Variants in CCDC6 observed in about 807,000 individuals in gnomAD.
CCDC6 encodes coiled-coil domain containing 6.
CCDC6 carries 20 observed loss-of-function variants against 56.6 expected under a neutral mutation model. The ratio of observed to expected loss-of-function variants is 0.35; its 90% CI spans 0.25 to 0.51. CCDC6 has a LOEUF of 0.51. Among genes scored for constraint, CCDC6 ranks in the 20% least tolerant of loss-of-function variants. The probability of loss-of-function intolerance (pLI) is 0.95; values close to 1 mark genes in which losing one functional copy is unlikely to be tolerated. For missense variants in CCDC6, 367 were observed against 601.1 expected, an observed-to-expected ratio of 0.61 and a Z score of 4.07; for synonymous variants, 241 against 234.4, an observed-to-expected ratio of 1.03 and a Z score of -0.26.
At chr10:59,875,441 A>G (rs576104110) in intron 1 of CCDC6, among the ~76,000 whole-genome samples, 2 of 152,306 alleles carry the variant, frequency 1.3e-5, no homozygotes, top group South Asian at 2.1e-4. Context: ...AGAAGGTTTG[A>G]AGGACACAGA....
intron 5 of CCDC6, among the ~76,000 whole-genome samples, chr10:59,808,631 G>C (rs2070646742): frequency 1.3e-5 from 2 of 152,214 alleles, no homozygotes; most frequent in South Asian, 4.1e-4. Flanking sequence ...ACGTCTAAGA[G>C]AGTTTCCTGT....
intron 2 of CCDC6, among the ~76,000 whole-genome samples, chr10:59,851,132 A>G (rs10994054): frequency 4.0e-4 from 15 of 37,234 alleles, no homozygotes; most frequent in African/African-American, 2.2e-3. Context: ...ATGTAAATTG[A>G]AAAAAAAAAA....
At chr10:59,834,482 G>T (rs1315787272) in intron 2 of CCDC6, among the ~76,000 whole-genome samples, 1 of 151,882 alleles carries the variant, frequency 6.6e-6, no homozygotes, top group Non-Finnish European at 1.5e-5. Flanking sequence ...GGAGGCAGGG[G>T]TTGCAGGGAG....
chr10:59,839,969 G>T (rs1168284847), intron 2 of CCDC6, among the ~76,000 whole-genome samples: 1 of 152,144 alleles, frequency 6.6e-6, no homozygotes, highest in East Asian at 1.9e-4. Flanking sequence ...GGAATTACAG[G>T]CATGTGCCAC....
At chr10:59,837,520 G>A (rs6479658) in intron 2 of CCDC6, among the ~76,000 whole-genome samples, 24,746 of 152,046 alleles carry the variant, frequency 0.16, 2,508 homozygotes, top group African/African-American at 0.29. Flanking sequence ...GAGGTGGGCA[G>A]ATGACCTGAT....
At chr10:59,862,516 T>TATATATATATATATACAC (rs1554886091) in intron 1 of CCDC6, among the ~76,000 whole-genome samples, 11 of 97,186 alleles carry the variant, frequency 1.1e-4, no homozygotes, top group Non-Finnish European at 1.9e-4. Context: ...TATATATATA[T>TATATATATATATATACAC]ACACACACAC....
intron 1 of CCDC6, among the ~76,000 whole-genome samples, chr10:59,862,500 A>ATTATATATATATATATAT (rs1311584688): frequency 1.0e-5 from 1 of 99,284 alleles, no homozygotes; most frequent in Non-Finnish European, 1.9e-5. Context: ...GAAAAAAAAA[A>ATTATATATATATATATAT]GTATATATAT....
intron 7 of CCDC6, 26 bp from the exon 8 acceptor site, chr10:59,794,623 T>A (rs1190614449): frequency 6.2e-7 from 1 of 1,610,972 alleles, no homozygotes; most frequent in South Asian, 1.1e-5. Flanking sequence ...AAATTAAGTA[T>A]CATTTTAAGC....
intron 2 of CCDC6, among the ~76,000 whole-genome samples, chr10:59,840,469 T>A (rs2070928441): frequency 6.6e-6 from 1 of 152,234 alleles, no homozygotes; most frequent in Non-Finnish European, 1.5e-5. Flanking sequence ...TTATGATATG[T>A]CTCTGGTCCT....
intron 1 of CCDC6, among the ~76,000 whole-genome samples, chr10:59,873,650 CAT>C (rs374295031): frequency 2.6e-5 from 4 of 152,242 alleles, no homozygotes; most frequent in African/African-American, 9.6e-5. Flanking sequence ...AATTCTAAAA[CAT>C]ATCTGGCCTC....
intron 3 of CCDC6, among the ~76,000 whole-genome samples, chr10:59,827,231 C>T (rs2070795448): frequency 6.6e-6 from 1 of 152,156 alleles, no homozygotes; most frequent in Non-Finnish European, 1.5e-5. Flanking sequence ...AGACCCATTA[C>T]TGGATTTTGA....
intron 2 of CCDC6, among the ~76,000 whole-genome samples, chr10:59,838,783 T>C (rs548948036): frequency 6.6e-6 from 1 of 152,216 alleles, no homozygotes; most frequent in African/African-American, 2.4e-5. Context: ...ACCATGCCAC[T>C]CACTCTGCCC....
intron 1 of CCDC6, among the ~76,000 whole-genome samples, chr10:59,891,404 T>C (rs1169426074): frequency 6.6e-6 from 1 of 152,108 alleles, no homozygotes; most frequent in African/African-American, 2.4e-5. Context: ...ACAAAAGCAA[T>C]AGAAGCTATA....
At chr10:59,797,369 G>A (rs2070529740) in intron 7 of CCDC6, among the ~76,000 whole-genome samples, 2 of 151,730 alleles carry the variant, frequency 1.3e-5, no homozygotes, top group South Asian at 4.2e-4. Context: ...TATATTGAGA[G>A]GTCTCACCAC....
chr10:59,852,719 AAG>A lies in CCDC6; in HGVS notation c.304-19_304-18del. 1 of 1,518,114 alleles carries A rather than the reference AAG, an allele frequency of 6.6e-7. No homozygotes were observed. Among genetic ancestry groups the A allele is most frequent in the Non-Finnish European group, 8.8e-7 (1 of 1,139,910 alleles). 94.0% of individuals were successfully genotyped at this position (1,518,114 alleles called of 1,614,324 possible). A position where few individuals can be genotyped will look rare whatever the true frequency, so the allele number is the denominator to read the frequency against. On this transcript the variant is annotated intron_variant, in intron 1 of 8. Transcript: ENST00000263102. ...CCTGGCTTGCTGTTTAAAAAAAAAAAAGGAAAGAACAAAACAAAACACATGTT... is the reference window on the plus strand; with the variant it reads ...CCTGGCTTGCTGTTTAAAAAAAAAAAGAAAGAACAAAACAAAACACATGTT...
At chr10:59,802,489 A>G (rs1385835372) in intron 7 of CCDC6, among the ~76,000 whole-genome samples, 1 of 152,250 alleles carries the variant, frequency 6.6e-6, no homozygotes, top group Non-Finnish European at 1.5e-5. Context: ...TCTACTATGT[A>G]TAGCACTACA....
At chr10:59,810,046 A>C (rs1389374121) in intron 5 of CCDC6, among the ~76,000 whole-genome samples, 1 of 152,196 alleles carries the variant, frequency 6.6e-6, no homozygotes, top group Non-Finnish European at 1.5e-5. Context: ...ATTCAGTCAG[A>C]ATTCCAAGGA....
chr10:59,837,746 C>CAAAAAAAAAAAAAA (rs397940135), intron 2 of CCDC6, among the ~76,000 whole-genome samples: 12 of 49,726 alleles, frequency 2.4e-4, no homozygotes, highest in East Asian at 7.6e-4. Context: ...GACTCTGTCT[C>CAAAAAAAAAAAAAA]AAAAAAAAAA....
intron 1 of CCDC6, among the ~76,000 whole-genome samples, chr10:59,857,711 G>A (rs1337164693): frequency 6.6e-6 from 1 of 151,806 alleles, no homozygotes; most frequent in African/African-American, 2.4e-5. Flanking sequence ...TAAGTTAGTT[G>A]ATGACTTGTT....
Sources: allele counts gnomAD v4.1 joint callset (sites outside exome capture counted in the v4.1 genomes callset), GRCh38; gene constraint gnomAD v4.1.1; transcripts MANE v1.5; gene names NCBI Gene and HGNC (gene_info 2026-07-23, HGNC 2026-07-21).